TAFA2: variants seen among roughly 807,000 people sequenced by gnomAD.
The protein encoded by TAFA2 is TAFA chemokine like family member 2.
TAFA2 carries 7 observed loss-of-function variants against 18.8 expected under a neutral mutation model. The ratio of observed to expected loss-of-function variants is 0.37; its 90% confidence interval spans 0.21 to 0.70. The LOEUF (loss-of-function observed/expected upper bound fraction) is 0.70, where lower values mean the gene tolerates loss of function less well. Among genes scored for constraint, TAFA2 ranks in the 30% least tolerant of loss-of-function variants. TAFA2 has a pLI of 0.53. For synonymous variants in TAFA2, 60 were observed against 54.2 expected (o/e 1.11, Z -0.47); for missense variants, 122 against 158.1 (o/e 0.77, Z 1.23).
chr12:61,907,593 G>C (rs748438667), intron 1 of TAFA2, among the ~76,000 whole-genome samples: 1 of 152,330 alleles, frequency 6.6e-6, no homozygotes, highest in East Asian at 1.9e-4. Context: ...GAAATGTGGT[G>C]TTGGAACCCT....
intron 1 of TAFA2, among the ~76,000 whole-genome samples, chr12:62,224,765 TGGTAACA>T (rs2062778917): frequency 6.6e-6 from 1 of 152,182 alleles, no homozygotes. Flanking sequence ...AACAAAGTCC[TGGTAACA>T]GGAATTGATG....
At chr12:62,025,962 A>G (rs1297263085) in intron 1 of TAFA2, among the ~76,000 whole-genome samples, 3 of 152,276 alleles carry the variant, frequency 2.0e-5, no homozygotes, top group Non-Finnish European at 4.4e-5. Context: ...ATACACACTA[A>G]CATGGCAAAC....
intron 1 of TAFA2, among the ~76,000 whole-genome samples, chr12:62,249,903 T>C (rs899083916): frequency 2.0e-5 from 3 of 152,210 alleles, no homozygotes; most frequent in Admixed American, 2.0e-4. Flanking sequence ...GATTACAGTA[T>C]TGGCAGTCTA....
At chr12:61,786,848 T>C (rs916065526) in intron 2 of TAFA2, among the ~76,000 whole-genome samples, 1 of 151,348 alleles carries the variant, frequency 6.6e-6, no homozygotes, top group African/African-American at 2.4e-5. Flanking sequence ...TACTCAATCA[T>C]CCACTATAAT....
chr12:61,981,279 C>T (rs1879626958), intron 1 of TAFA2, among the ~76,000 whole-genome samples: 1 of 152,158 alleles, frequency 6.6e-6, no homozygotes, highest in African/African-American at 2.4e-5. Context: ...AAACTGCATC[C>T]CTTCCTTACG....
chr12:61,827,682 A>G (rs1269306697), intron 2 of TAFA2, among the ~76,000 whole-genome samples: 9 of 152,060 alleles, frequency 5.9e-5, no homozygotes. Flanking sequence ...AAGAGTCACA[A>G]TGCATATTAG....
At chr12:61,785,621 C>A (rs1870705688) in intron 2 of TAFA2, among the ~76,000 whole-genome samples, 2 of 151,388 alleles carry the variant, frequency 1.3e-5, no homozygotes, top group Admixed American at 1.3e-4. Context: ...AGATACCTAT[C>A]CTGCCTTGAA....
At chr12:61,790,189 T>G (rs200682117) in intron 2 of TAFA2, among the ~76,000 whole-genome samples, 11 of 35,444 alleles carry the variant, frequency 3.1e-4, no homozygotes, top group South Asian at 1.0e-3. Context: ...AAAAAAAAAA[T>G]CCCCAAAATT....
At chr12:62,069,709 A>T (rs543343963) in intron 1 of TAFA2, among the ~76,000 whole-genome samples, 2 of 152,220 alleles carry the variant, frequency 1.3e-5, no homozygotes, top group East Asian at 3.9e-4. Flanking sequence ...GTTACATAGG[A>T]CTCAACTGTC....
intron 2 of TAFA2, among the ~76,000 whole-genome samples, chr12:61,828,909 A>G (rs952426485): frequency 6.6e-6 from 1 of 151,802 alleles, no homozygotes; most frequent in African/African-American, 2.4e-5. Flanking sequence ...GAGAATTAGC[A>G]GTGATTCCAC....
intron 1 of TAFA2, among the ~76,000 whole-genome samples, chr12:61,952,849 T>C (rs1878517155): frequency 6.6e-6 from 1 of 152,126 alleles, no homozygotes; most frequent in Non-Finnish European, 1.5e-5. Context: ...ATTATATATA[T>C]GGTCACATAA....
chr12:61,805,837 A>T (rs1871588697), intron 2 of TAFA2, among the ~76,000 whole-genome samples: 1 of 152,168 alleles, frequency 6.6e-6, no homozygotes, highest in Non-Finnish European at 1.5e-5. Flanking sequence ...AGATGATAAG[A>T]TTTCACCCTA....
At chr12:61,842,444 C>T (rs2198775) in intron 2 of TAFA2, among the ~76,000 whole-genome samples, 1 of 151,572 alleles carries the variant, frequency 6.6e-6, no homozygotes, top group Non-Finnish European at 1.5e-5. Context: ...AAATGTCTGA[C>T]ATTTTCAAAT....
In TAFA2 at chr12:61,709,007, A is replaced by G. The variant is rs575336451; in HGVS notation, c.*1399T>C. 6.6e-6 allele frequency: 1 copy of G among 152,574 alleles called. No homozygotes were observed. The highest frequency in any genetic ancestry group is 1.5e-5 in the Non-Finnish European group (1 of 68,000). The allele number at this position is 152,574 out of a possible 1,614,324, so 9.5% of individuals were successfully genotyped here. On this transcript the variant is annotated 3_prime_UTR_variant, in exon 5 of 5. Coordinates refer to ENST00000416284, the MANE Select transcript of TAFA2 (RefSeq NM_178539.5). Reference sequence around the variant, plus strand: ...TTTTGAAGCATCTTCTGAACAGCCTAAAATGAGTAAAACACAGAAATCCTT... The same window carrying G: ...TTTTGAAGCATCTTCTGAACAGCCTGAAATGAGTAAAACACAGAAATCCTT...
intron 2 of TAFA2, among the ~76,000 whole-genome samples, chr12:61,859,104 G>A (rs1437596484): frequency 2.0e-5 from 3 of 152,216 alleles, no homozygotes. Context: ...AAGGAAAGAG[G>A]TTTAATTGAC....
chr12:62,182,389 G>T (rs1209807124), intron 1 of TAFA2, among the ~76,000 whole-genome samples: 2 of 152,194 alleles, frequency 1.3e-5, no homozygotes, highest in African/African-American at 4.8e-5. Flanking sequence ...GCCACAGGGA[G>T]AAACCTGTCA....
chr12:62,196,930 A>T (rs997833276), upstream of TAFA2, among the ~76,000 whole-genome samples: 7 of 152,164 alleles, frequency 4.6e-5, no homozygotes, highest in Non-Finnish European at 7.4e-5. Context: ...GGGGTCTCCA[A>T]CCCCCAGGGA....
intron 1 of TAFA2, among the ~76,000 whole-genome samples, chr12:62,124,539 T>A (rs1870367205): frequency 6.6e-6 from 1 of 152,144 alleles, no homozygotes; most frequent in East Asian, 1.9e-4. Flanking sequence ...TAAAAGGAAA[T>A]GTTATCTCTC....
intron 2 of TAFA2, among the ~76,000 whole-genome samples, chr12:61,777,840 T>C (rs1473863324): frequency 6.6e-6 from 1 of 151,878 alleles, no homozygotes; most frequent in African/African-American, 2.4e-5. Context: ...TTGCTTTTGA[T>C]AGAAATAACT....
Sources: allele counts gnomAD v4.1 joint callset (sites outside exome capture counted in the v4.1 genomes callset), GRCh38; gene constraint gnomAD v4.1.1; transcripts MANE v1.5; gene names NCBI Gene and HGNC (gene_info 2026-07-23, HGNC 2026-07-21).